Variants in CTSZ observed in about 807,000 individuals in gnomAD.
The protein encoded by CTSZ is carboxypeptidase LB.
CTSZ carries 39 observed loss-of-function variants against 32.4 expected under a neutral mutation model. The observed-to-expected ratio is 1.20, with a 90% CI of 0.93 to 1.57. The LOEUF (loss-of-function observed/expected upper bound fraction) is 1.57, where lower values mean the gene tolerates loss of function less well. Among genes scored for constraint, CTSZ ranks in the 40% most tolerant of loss-of-function variants. CTSZ has a pLI of 0.00. For missense variants in CTSZ, 397 were observed against 419.6 expected (o/e 0.95, Z 0.47); for synonymous variants, 168 against 170.1 (o/e 0.99, Z 0.10).
chr20:59,003,318 C>T (rs551087623), intron 2 of CTSZ, among the ~76,000 whole-genome samples: 11 of 152,364 alleles, frequency 7.2e-5, no homozygotes, highest in African/African-American at 9.6e-5. Flanking sequence ...CATCTGGACC[C>T]GGCCTAACCA....
In CTSZ at chr20:58,997,585, C is replaced by T. The variant is rs752267939; in HGVS notation, c.638+18G>A. On this transcript the variant is annotated intron_variant, in intron 4 of 5. Coordinates refer to ENST00000217131, the MANE Select transcript of CTSZ (RefSeq NM_001336.4). Reference sequence around the variant, plus strand: ...CCTCACCCGCAAACCTCTCTTTGCCCGCGGGACCTCTCCTCACCTGATGGG... The same window carrying T: ...CCTCACCCGCAAACCTCTCTTTGCCTGCGGGACCTCTCCTCACCTGATGGG... 6 of 1,532,148 alleles carry T rather than the reference C, an allele frequency of 3.9e-6. No homozygotes were observed. Among genetic ancestry groups the T allele is most frequent in the East Asian group, 4.8e-5 (2 of 41,816 alleles). The allele number at this position is 1,532,148 out of a possible 1,614,324, so 94.9% of individuals were successfully genotyped here.
chr20:59,005,658 C>T (rs1208299155), intron 2 of CTSZ, among the ~76,000 whole-genome samples: 1 of 152,242 alleles, frequency 6.6e-6, no homozygotes, highest in Non-Finnish European at 1.5e-5. Context: ...ATCCAGGCTC[C>T]TGGACCCTGT....
intron 3 of CTSZ, among the ~76,000 whole-genome samples, 153 bp downstream of exon 3, chr20:59,001,312 C>T (rs1211812620): frequency 6.6e-6 from 1 of 152,126 alleles, no homozygotes; most frequent in Non-Finnish European, 1.5e-5. Flanking sequence ...AGCACCAGCG[C>T]CCCTGGGGGC....
At position 58,995,724 on chromosome 20, in the gene CTSZ, G is replaced by T. The variant is rs773881826; in HGVS notation, c.837C>A (p.Thr279=). The change falls in exon 6 of 6, where the codon ACC becomes ACA. Residue 279 remains threonine (T), a synonymous_variant. Coordinates refer to ENST00000217131, the MANE Select transcript of CTSZ (RefSeq NM_001336.4). ...ERGWLRIVTS[T]YKDGKGARYN... is the part of the protein sequence containing the mutation. Reference sequence around the variant, plus strand: ...ATCTGGCGCCCTTCCCATCCTTATAGGTGCTGGTCACGATCCTCAGCCAGC... The same window carrying T: ...ATCTGGCGCCCTTCCCATCCTTATATGTGCTGGTCACGATCCTCAGCCAGC... 9.9e-6 allele frequency: 16 copies of T among 1,614,112 alleles called. No individual in the cohort carries two copies. In the South Asian group the frequency reaches 1.3e-4, roughly 13 times the overall value.
rs1398968156 is a variant in CTSZ at position 59,002,965 on chromosome 20, C to CACGG, written c.308-1325_308-1322dup. On this transcript the variant is annotated intron_variant, in intron 2 of 5. Coordinates refer to ENST00000217131, the MANE Select transcript of CTSZ (RefSeq NM_001336.4). The surrounding 1 kb of genome is among the most constrained non-coding windows in gnomAD (Gnocchi z 4.1). ...GCCCCCGGCCCCTCCCACTCACTAT[C>CACGG]ACGGTTTTCTGCTTCACTCAATGGT... 2.0e-5 allele frequency among the ~76,000 whole-genome samples: 3 copies of CACGG among 152,176 alleles called. No homozygotes were observed. The highest frequency in any genetic ancestry group is 7.2e-5 in the African/African-American group (3 of 41,442).
Position 58,997,638 on chromosome 20 carries a change from C to A in CTSZ, c.603G>T (p.Lys201Asn). The change falls in exon 4 of 6, where the codon AAG becomes AAT. Residue 201 changes from lysine (K) to asparagine (N), a missense_variant. Coordinates refer to ENST00000217131, the MANE Select transcript of CTSZ (RefSeq NM_001336.4). Reference sequence around the variant, plus strand: ...CATTTGCATAGATTTCTGCCATCATCTTCTCCCTCCCAGAGAGGGAGCCGT... The same window carrying A: ...CATTTGCATAGATTTCTGCCATCATATTCTCCCTCCCAGAGAGGGAGCCGT... ...GDYGSLSGREKMMAEIYANGP... is the reference protein window; with the variant it reads ...GDYGSLSGRENMMAEIYANGP... The A allele has an allele frequency of 6.2e-7, 1 of 1,605,242 alleles. No homozygotes were observed. The highest frequency in any genetic ancestry group is 8.5e-7 in the Non-Finnish European group (1 of 1,175,762).
Position 59,006,501 on chromosome 20 carries a change from C to T in CTSZ, c.144-16G>A. The stretch of plus-strand genomic sequence containing the variant: ...GGGGTATGTGCTGAGAAGAGATCAT[C>T]CCCACCCAGATCGGTGCTGGGGCTC... On this transcript the variant is annotated splice_polypyrimidine_tract_variant and intron_variant, in intron 1 of 5. Transcript: ENST00000217131. 1 of 1,603,540 alleles carries T rather than the reference C, an allele frequency of 6.2e-7. No individual in the cohort carries two copies. The highest frequency in any genetic ancestry group is 1.1e-5 in the South Asian group (1 of 90,748).
rs949769883 is a variant in CTSZ at position 58,997,494 on chromosome 20, C to T, written c.638+109G>A. On this transcript the variant is annotated intron_variant, in intron 4 of 5. Coordinates refer to ENST00000217131, the MANE Select transcript of CTSZ (RefSeq NM_001336.4). ...GCCTACATGAGCACCGACATGAGCCCACACTGGCGCTGTCACCGCGGATCT... is the reference window on the plus strand; with the variant it reads ...GCCTACATGAGCACCGACATGAGCCTACACTGGCGCTGTCACCGCGGATCT... The T allele has an allele frequency of 4.6e-5, 52 of 1,136,016 alleles. No individual in the cohort carries two copies. In the African/African-American group the frequency reaches 7.2e-4, roughly 16 times the overall value. The allele number at this position is 1,136,016 out of a possible 1,614,324, so 70.4% of individuals were successfully genotyped here.
intron 3 of CTSZ, among the ~76,000 whole-genome samples, chr20:59,000,852 C>T (rs940827690): frequency 2.7e-5 from 4 of 145,858 alleles, no homozygotes; most frequent in Non-Finnish European, 4.5e-5. Flanking sequence ...TTTTTTGAGC[C>T]GTAGTCTTGC....
chr20:58,998,554 AAG>A (rs1491041495), intron 3 of CTSZ, among the ~76,000 whole-genome samples: 1 of 120,094 alleles, frequency 8.3e-6, no homozygotes, highest in East Asian at 2.5e-4. Flanking sequence ...CTCAAAAAAA[AAG>A]AAAGAAAGAA....
intron 1 of CTSZ, 138 bp downstream of exon 1, chr20:59,006,848 C>T (rs1426063834): frequency 8.1e-6 from 6 of 741,136 alleles, no homozygotes; most frequent in African/African-American, 1.9e-5. Context: ...AGAGAAGGAG[C>T]GACCCCCAAA....
chr20:59,006,528 C>CGGG (rs1568684631), intron 1 of CTSZ, 43 bp from the exon 2 acceptor site: 2 of 1,569,936 alleles, frequency 1.3e-6, no homozygotes, highest in Admixed American at 3.5e-5. Flanking sequence ...CTGGGGCTCC[C>CGGG]GGGGGCCGTG....
intron 3 of CTSZ, among the ~76,000 whole-genome samples, chr20:58,998,023 C>T (rs1422072573): frequency 6.6e-6 from 1 of 152,108 alleles, no homozygotes; most frequent in African/African-American, 2.4e-5. Context: ...CGCCTTTTTC[C>T]TCTAATGGCT....
chr20:58,998,199 CA>C (rs898118303), intron 3 of CTSZ, among the ~76,000 whole-genome samples: 70 of 144,102 alleles, frequency 4.9e-4, no homozygotes, highest in African/African-American at 9.1e-4. Flanking sequence ...CTGAGGGGAC[CA>C]AAAAAAAAAA....
At chr20:58,999,430 G>A (rs1005969835) in intron 3 of CTSZ, among the ~76,000 whole-genome samples, 2 of 152,212 alleles carry the variant, frequency 1.3e-5, no homozygotes, top group Non-Finnish European at 2.9e-5. Flanking sequence ...GCACTTTGGC[G>A]TGGAGTGGGC....
In CTSZ at chr20:58,997,671, C is replaced by T; in HGVS notation, c.570G>A (p.Val190=). Residue 190 remains valine, a synonymous_variant, in exon 4 of 6, where the codon GTG becomes GTA. Coordinates refer to ENST00000217131, the MANE Select transcript of CTSZ (RefSeq NM_001336.4). ...HAIRNYTLWR[V]GDYGSLSGRE... ...TCCCAGAGAGGGAGCCGTAGTCTCC[C>T]ACCCTCCAGAGGGTGTAGTTCCGGA... is the stretch of plus-strand genomic sequence containing the variant. 1.2e-6 allele frequency: 2 copies of T among 1,610,052 alleles called. No homozygotes were observed. Among genetic ancestry groups the T allele is most frequent in the African/African-American group, 1.3e-5 (1 of 74,952 alleles).
In CTSZ at chr20:58,995,619, T is replaced by C; in HGVS notation, c.*30A>G. ...CTCTGGTCATGGGTCACCATGCCTT[T>C]TCTTAAACTGCGCTTCTAGTGACAT... On this transcript the variant is annotated 3_prime_UTR_variant, in exon 6 of 6. Coordinates refer to ENST00000217131, the MANE Select transcript of CTSZ (RefSeq NM_001336.4). 9 of 1,603,310 alleles carry C rather than the reference T, an allele frequency of 5.6e-6. No homozygotes were observed. The highest frequency in any genetic ancestry group is 7.7e-6 in the Non-Finnish European group (9 of 1,170,318).
At chr20:58,996,112 C>T (rs953083781) in intron 5 of CTSZ, among the ~76,000 whole-genome samples, 18 of 152,154 alleles carry the variant, frequency 1.2e-4, no homozygotes, top group Admixed American at 2.0e-4. Flanking sequence ...CCGCTTTCCC[C>T]CCATTTCTTA....
At chr20:58,998,217 T>G (rs1489517080) in intron 3 of CTSZ, among the ~76,000 whole-genome samples, 7 of 151,534 alleles carry the variant, frequency 4.6e-5, no homozygotes, top group African/African-American at 1.5e-4. Context: ...AAAATTCTGG[T>G]TATTTCGACT....
Sources: gnomAD v4.1 joint callset for allele counts (sites outside exome capture counted in the v4.1 genomes callset) on GRCh38, gnomAD v4.1.1 for gene constraint, Gnocchi (gnomAD v3.1) non-coding constraint, MANE v1.5 for transcripts, NCBI Gene and HGNC (gene_info 2026-07-23, HGNC 2026-07-21) for gene names.